Variants in DEPTOR observed in about 807,000 individuals in gnomAD.
DEPTOR encodes DEP domain-containing mTOR-interacting protein.
In DEPTOR, 41 loss-of-function variants were observed where a neutral mutation model predicts 41.6. That is an observed-to-expected ratio of 0.98 (90% CI 0.77 to 1.28). The LOEUF (loss-of-function observed/expected upper bound fraction) is 1.28. DEPTOR is among the 50% of genes most tolerant of loss of function. DEPTOR has a pLI of 0.00. For missense variants in DEPTOR, 514 were observed against 527.9 expected, an observed-to-expected ratio of 0.97 and a Z score of 0.26; for synonymous variants, 195 against 192.3, an observed-to-expected ratio of 1.01 and a Z score of -0.12.
At chr8:120,027,015 T>G (rs1812807298) in intron 8 of DEPTOR, among the ~76,000 whole-genome samples, 1 of 151,940 alleles carries the variant, frequency 6.6e-6, no homozygotes, top group African/African-American at 2.4e-5. Context: ...GGTCGGGAGT[T>G]CAACACCAGC....
chr8:119,961,071 C>A (rs1244007764), intron 3 of DEPTOR, among the ~76,000 whole-genome samples: 1 of 151,576 alleles, frequency 6.6e-6, no homozygotes, highest in Non-Finnish European at 1.5e-5. Context: ...TCTTTGAATG[C>A]ATAGTCAAAT....
At chr8:120,034,195 C>G (rs1157712464) in intron 8 of DEPTOR, among the ~76,000 whole-genome samples, 1 of 151,638 alleles carries the variant, frequency 6.6e-6, no homozygotes, top group African/African-American at 2.4e-5. Context: ...TATTTATAAT[C>G]CTCTTACTTT....
intron 4 of DEPTOR, among the ~76,000 whole-genome samples, chr8:119,966,120 C>T (rs371344621): frequency 2.6e-5 from 4 of 152,146 alleles, no homozygotes; most frequent in South Asian, 2.1e-4. Context: ...TACATTGTAT[C>T]GGGTATTTTA....
intron 3 of DEPTOR, among the ~76,000 whole-genome samples, chr8:119,960,070 A>G (rs908003926): frequency 1.3e-5 from 2 of 152,106 alleles, no homozygotes; most frequent in South Asian, 4.2e-4. Context: ...TCTACTAAAG[A>G]TACAAAAATT....
chr8:119,998,808 A>G (rs1442353962), intron 4 of DEPTOR, among the ~76,000 whole-genome samples: 1 of 152,164 alleles, frequency 6.6e-6, no homozygotes, highest in Non-Finnish European at 1.5e-5. Flanking sequence ...TGTTTCTCAC[A>G]GAAGCAGTAA....
chr8:119,908,590 A>G (rs528588985), intron 1 of DEPTOR, among the ~76,000 whole-genome samples: 2 of 152,222 alleles, frequency 1.3e-5, no homozygotes, highest in South Asian at 2.1e-4. Flanking sequence ...ACTACTTGCA[A>G]TTGGTATCTG....
intron 4 of DEPTOR, among the ~76,000 whole-genome samples, chr8:119,973,420 G>C (rs1002502896): frequency 6.6e-6 from 1 of 152,156 alleles, no homozygotes; most frequent in Non-Finnish European, 1.5e-5. Flanking sequence ...TTTTCATAGA[G>C]ACGGGGGTTG....
intron 4 of DEPTOR, among the ~76,000 whole-genome samples, chr8:119,999,355 T>A (rs916236287): frequency 6.6e-6 from 1 of 152,168 alleles, no homozygotes; most frequent in African/African-American, 2.4e-5. Context: ...TTAGAACATA[T>A]AAGACACTTA....
At chr8:120,045,668 C>T (rs772787286) in intron 8 of DEPTOR, among the ~76,000 whole-genome samples, 1 of 152,240 alleles carries the variant, frequency 6.6e-6, no homozygotes, top group South Asian at 2.1e-4. Context: ...AGCCACTGCA[C>T]GTGCCCGGCC....
chr8:119,920,458 A>G (rs1212850463), intron 1 of DEPTOR, among the ~76,000 whole-genome samples: 1 of 152,170 alleles, frequency 6.6e-6, no homozygotes, highest in Non-Finnish European at 1.5e-5. Flanking sequence ...GAAGGCTGGG[A>G]AAACGTTCAC....
At chr8:120,042,818 G>A (rs1206415482) in intron 8 of DEPTOR, among the ~76,000 whole-genome samples, 1 of 151,692 alleles carries the variant, frequency 6.6e-6, no homozygotes, top group African/African-American at 2.4e-5. Context: ...TGTGCCCAGC[G>A]TATTTTTTTA....
chr8:119,957,464 G>A (rs1828431956), intron 3 of DEPTOR, among the ~76,000 whole-genome samples: 1 of 152,140 alleles, frequency 6.6e-6, no homozygotes, highest in South Asian at 2.1e-4. Flanking sequence ...GAAAACTGAG[G>A]ACGCTAGTTT....
At chr8:120,034,443 C>CTTTTTTTTTTTTTTTTTTTT (rs148465030) in intron 8 of DEPTOR, among the ~76,000 whole-genome samples, 1 of 91,564 alleles carries the variant, frequency 1.1e-5, no homozygotes, top group Non-Finnish European at 2.0e-5. Context: ...TTTCCTTTTT[C>CTTTTTTTTTTTTTTTTTTTT]TTTTTTTTTT....
intron 8 of DEPTOR, among the ~76,000 whole-genome samples, chr8:120,012,352 C>T (rs925001605): frequency 6.6e-6 from 1 of 152,138 alleles, no homozygotes; most frequent in Non-Finnish European, 1.5e-5. Flanking sequence ...TAGATATAGC[C>T]TATTGCTCCT....
intron 8 of DEPTOR, among the ~76,000 whole-genome samples, chr8:120,024,115 T>C (rs1379156630): frequency 2.6e-5 from 4 of 152,148 alleles, no homozygotes. Flanking sequence ...CATGAACCTG[T>C]AGTCCCAGCT....
At chr8:119,899,993 A>G (rs13257252) in intron 1 of DEPTOR, among the ~76,000 whole-genome samples, 75,616 of 151,854 alleles carry the variant, frequency 0.5, 20,549 homozygotes, top group East Asian at 0.92. Context: ...GATTAGTACC[A>G]GGAATGGGTA....
chr8:120,013,160 G>GAA (rs1210970977), intron 8 of DEPTOR, among the ~76,000 whole-genome samples: 8 of 113,530 alleles, frequency 7.0e-5, no homozygotes, highest in East Asian at 3.0e-4. Context: ...GTCTCAAAAA[G>GAA]AAAAAAAAAA....
chr8:119,878,242 C>T (rs778771351), intron 1 of DEPTOR, among the ~76,000 whole-genome samples: 3 of 151,744 alleles, frequency 2.0e-5, no homozygotes, highest in Non-Finnish European at 2.9e-5. Flanking sequence ...CTCCAACTCC[C>T]GACCTCAGGT....
intron 8 of DEPTOR, among the ~76,000 whole-genome samples, chr8:120,017,946 C>A (rs1160166211): frequency 2.0e-5 from 3 of 152,040 alleles, no homozygotes; most frequent in African/African-American, 4.8e-5. Flanking sequence ...TTATCTGTTT[C>A]TTTGCATATT....
Sources: allele counts gnomAD v4.1 joint callset (sites outside exome capture counted in the v4.1 genomes callset), GRCh38; gene constraint gnomAD v4.1.1; transcripts MANE v1.5; gene names NCBI Gene and HGNC (gene_info 2026-07-23, HGNC 2026-07-21).